Variants in ARSL observed in about 807,000 individuals in gnomAD.
ARSL encodes the protein arylsulfatase L, also known as arylsulfatase E (chondrodysplasia punctata 1).
ARSL carries 4 observed loss-of-function variants against 31.1 expected under a neutral mutation model. That is an observed-to-expected ratio of 0.13 (90% CI 0.06 to 0.29). The LOEUF is 0.29. Ranked by LOEUF, ARSL falls within the 10% of genes least tolerant of loss-of-function variation. ARSL has a pLI of 1.00. For missense variants in ARSL, 312 were observed against 497.8 expected, an observed-to-expected ratio of 0.63 and a Z score of 3.55; for synonymous variants, 198 against 209.9, an observed-to-expected ratio of 0.94 and a Z score of 0.49.
chrX:2,959,836 G>A, intron 2 of ARSL: 1 of 639,168 alleles, frequency 1.6e-6, no homozygotes, highest in Non-Finnish European at 2.2e-6. Context: ...TGGGAGCATT[G>A]CCTGAGCCCA....
At chrX:2,963,441 T>C (rs1001866334) in intron 1 of ARSL, among the ~76,000 whole-genome samples, 2 of 109,925 alleles carry the variant, frequency 1.8e-5, no homozygotes, top group African/African-American at 6.6e-5. Context: ...TAGGGGAAGA[T>C]GGTTTTTGCA....
chrX:2,935,697 T>C (rs868865987), intron 10 of ARSL, among the ~76,000 whole-genome samples: 2 of 104,299 alleles, frequency 1.9e-5, no homozygotes, highest in African/African-American at 7.2e-5. Context: ...CTTTTCTTTT[T>C]TTTTTTTTTT....
intron 9 of ARSL, among the ~76,000 whole-genome samples, chrX:2,937,609 G>T (rs779708124): frequency 9.1e-6 from 1 of 110,302 alleles, no homozygotes; most frequent in African/African-American, 3.3e-5. Flanking sequence ...TTTTATTGGG[G>T]GGTCTAAAAG....
At chrX:2,968,172 G>A, upstream of ARSL, 1 of 1,154,808 alleles carries the variant, frequency 8.7e-7, no homozygotes. Context: ...GTGTAAGGGC[G>A]ACACTGGCTG....
rs1479715712 is a variant in ARSL, at chrX:2,948,734, T to C, written c.854+570A>G. 3.6e-5 allele frequency among the ~76,000 whole-genome samples: 4 copies of C among 111,048 alleles called. No homozygotes were observed. In the Admixed American group the frequency reaches 3.9e-4, roughly 11 times the overall value. On this transcript the variant is annotated intron_variant, in intron 6 of 10. Coordinates refer to ENST00000381134, the MANE Select transcript of ARSL (RefSeq NM_000047.3). The stretch of plus-strand genomic sequence containing the variant: ...TCTAACTCCTGGCCTCAAATTATCC[T>C]CTTGCCTCAGTCTCCCGAGTAGCTG...
At chrX:2,953,390 G>T in intron 4 of ARSL, 125 bp from the exon 5 acceptor site, 2 of 829,267 alleles carry the variant, frequency 2.4e-6, no homozygotes, top group South Asian at 5.0e-5. Flanking sequence ...AATTGAAAAT[G>T]GACTTCCTAT....
At chrX:2,962,305 C>T (rs1302562165) in intron 1 of ARSL, among the ~76,000 whole-genome samples, 4 of 111,819 alleles carry the variant, frequency 3.6e-5, no homozygotes, top group African/African-American at 1.3e-4. Flanking sequence ...CGCTTCTTTT[C>T]GTTGACAGGA....
intron 5 of ARSL, among the ~76,000 whole-genome samples, chrX:2,950,516 A>C (rs2089446896): frequency 9.0e-6 from 1 of 111,392 alleles, no homozygotes; most frequent in Admixed American, 9.6e-5. Context: ...GGTGGAGATA[A>C]TTGAATCATG....
At chrX:2,935,255 A>G (rs756280856) in intron 10 of ARSL, 65 bp from the exon 11 acceptor site, 18 of 1,085,068 alleles carry the variant, frequency 1.7e-5, no homozygotes, top group Middle Eastern at 2.9e-4. Flanking sequence ...GGAGAATGGC[A>G]TCTTCATAGG....
rs374875075 is a variant in ARSL at position 2,960,184 on chromosome X, G to C, written c.23+194C>G. On this transcript the variant is annotated intron_variant, in intron 2 of 10. Transcript: ENST00000381134. ...CTCGGGAGGCTGAGGCAGGAGAATG[G>C]TGTGAACCCGGGAGGCGGAGCTTGC... Among the ~76,000 whole-genome samples the C allele has an allele frequency of 4.4e-4, 36 of 81,238 alleles. 3 individuals are homozygous for C. The East Asian group carries it at 0.011, about 25-fold the overall frequency. 70.5% of individuals were successfully genotyped at this position (81,238 alleles called of 115,157 possible).
intron 6 of ARSL, among the ~76,000 whole-genome samples, chrX:2,946,974 A>G (rs1337123762): frequency 4.5e-5 from 5 of 111,308 alleles, no homozygotes; most frequent in African/African-American, 1.6e-4. Flanking sequence ...GCTTCAGCCT[A>G]GGAGTTCAAG....
intron 6 of ARSL, among the ~76,000 whole-genome samples, chrX:2,949,024 G>A (rs916559670): frequency 1.8e-5 from 2 of 109,530 alleles, no homozygotes; most frequent in African/African-American, 6.7e-5. Context: ...CCAGGTTCAA[G>A]GGATTCTCCC....
At chrX:2,960,502 G>C in intron 1 of ARSL, 82 bp from the exon 2 acceptor site, 3 of 983,092 alleles carry the variant, frequency 3.1e-6, no homozygotes, top group South Asian at 2.1e-5. Flanking sequence ...TAAGTAATTA[G>C]GGGAACTTTG....
intron 6 of ARSL, among the ~76,000 whole-genome samples, chrX:2,948,763 T>A (rs1469563008): frequency 9.0e-6 from 1 of 111,167 alleles, no homozygotes; most frequent in Non-Finnish European, 1.9e-5. Context: ...GTAGCTGGGA[T>A]AACAGGTGTG....
At position 2,943,263 on chromosome X, in the gene ARSL, G is replaced by A. The variant is rs761262060; in HGVS notation, c.992-64C>T. ...AAAATATCAGAAATGCAGCTCTGAA[G>A]TGTATGCTTTAGCATTCGGGGGCTA... On this transcript the variant is annotated intron_variant, in intron 7 of 10. Transcript: ENST00000381134. The A allele has an allele frequency of 5.1e-6, 6 of 1,171,843 alleles. No individual in the cohort carries two copies. The African/African-American group carries it at 1.1e-4, about 21-fold the overall frequency.
chrX:2,937,002 G>T, intron 9 of ARSL, 139 bp from the exon 10 acceptor site: 1 of 832,236 alleles, frequency 1.2e-6, no homozygotes, highest in Non-Finnish European at 1.7e-6. Context: ...GGGTGTGAAC[G>T]CAGATGGATG....
At chrX:2,935,858 G>C (rs1407490923) in intron 10 of ARSL, among the ~76,000 whole-genome samples, 1 of 109,778 alleles carries the variant, frequency 9.1e-6, no homozygotes, top group Non-Finnish European at 1.9e-5. Context: ...AGATGAAGTC[G>C]TGTTAAGGTC....
upstream of ARSL, among the ~76,000 whole-genome samples, chrX:2,966,842 A>G (rs2089703721): frequency 9.1e-6 from 1 of 110,109 alleles, no homozygotes; most frequent in African/African-American, 3.3e-5. Context: ...TAACATATAA[A>G]CATGTACCTA....
Position 2,960,058 on chromosome X carries a change from A to G in ARSL, c.23+320T>C, listed in dbSNP as rs749673818. The stretch of plus-strand genomic sequence containing the variant: ...GCCGAGGCGGGCGGATCACGAGGTC[A>G]GGAGATCGAGACCATCCTGGCTAAC... On this transcript the variant is annotated intron_variant, in intron 2 of 10. Coordinates refer to ENST00000381134, the MANE Select transcript of ARSL (RefSeq NM_000047.3). Among the ~76,000 whole-genome samples, 7 of 105,757 alleles carry G rather than the reference A, an allele frequency of 6.6e-5. No individual in the cohort carries two copies. The South Asian group carries it at 3.1e-3, about 47-fold the overall frequency. The allele number at this position is 105,757 out of a possible 115,157, so 91.8% of individuals were successfully genotyped here.
Sources: gnomAD v4.1 joint callset for allele counts (sites outside exome capture counted in the v4.1 genomes callset) on GRCh38, gnomAD v4.1.1 for gene constraint, MANE v1.5 for transcripts, NCBI Gene and HGNC (gene_info 2026-07-23, HGNC 2026-07-21) for gene names.